The following ATMIN variants were observed in gnomAD, a reference collection of about 807,000 sequenced individuals.
The protein encoded by ATMIN is ATM interactor.
ATMIN carries 24 observed loss-of-function variants against 49.2 expected under a neutral mutation model. The observed-to-expected ratio is 0.49, with a 90% confidence interval of 0.35 to 0.69. The LOEUF (loss-of-function observed/expected upper bound fraction) is 0.69, where lower values mean the gene tolerates loss of function less well. Ranked by LOEUF, ATMIN falls within the 30% of genes least tolerant of loss-of-function variation. ATMIN has a pLI of 0.00. For missense variants in ATMIN, 1,037 were observed against 1,005.5 expected (o/e 1.03, Z -0.42); for synonymous variants, 450 against 392.5 (o/e 1.15, Z -1.73).
intron 1 of ATMIN, among the ~76,000 whole-genome samples, chr16:81,039,043 G>T (rs901105832): frequency 1.3e-5 from 2 of 152,148 alleles, no homozygotes; most frequent in African/African-American, 4.8e-5. Flanking sequence ...TGATCCGCCC[G>T]CTTCAGCCTC....
chr16:81,037,218 G>A (rs911649810), intron 1 of ATMIN: 8 of 985,330 alleles, frequency 8.1e-6, no homozygotes, highest in African/African-American at 3.5e-5. Flanking sequence ...AAAAGCGCAA[G>A]TCATTGAAAG....
Position 81,044,859 on chromosome 16 carries a change from A to G in ATMIN, c.2361A>G (p.Thr787=), listed in dbSNP as rs750842682. 1 of 1,614,214 alleles carries G rather than the reference A, an allele frequency of 6.2e-7. No homozygotes were observed. The highest frequency in any genetic ancestry group is 1.7e-5 in the Admixed American group (1 of 60,026). ...SLFFTSNETQ[T]AMDDFLLADL... is the part of the protein sequence containing the mutation. ...TCTTCACCAGCAACGAAACTCAGAC[A>G]GCAATGGATGACTTTCTTCTGGCTG... Residue 787 remains threonine, a synonymous_variant, in exon 4 of 4, where the codon ACA becomes ACG. Transcript: ENST00000299575.
intron 1 of ATMIN, among the ~76,000 whole-genome samples, chr16:81,038,641 T>C (rs1208516604): frequency 6.6e-6 from 1 of 152,178 alleles, no homozygotes; most frequent in Non-Finnish European, 1.5e-5. Context: ...TGGAGATCTG[T>C]ACCTTGTCTG....
Position 81,043,524 on chromosome 16 carries a change from C to G in ATMIN, c.1026C>G (p.His342Gln), listed in dbSNP as rs372470160. ...VDQGSATGAV[H>Q]LMPLSVGTLI... ...AGGGCTCTGCCACAGGGGCTGTGCA[C>G]TTAATGCCCTTGTCAGTAGGAACCC... The change falls in exon 4 of 4, where the codon CAC becomes CAG. Residue 342 changes from histidine (H) to glutamine (Q), a missense_variant. Coordinates refer to ENST00000299575, the MANE Select transcript of ATMIN (RefSeq NM_015251.3). 17 of 1,614,112 alleles carry G rather than the reference C, an allele frequency of 1.1e-5. No individual in the cohort carries two copies. In the Admixed American group the frequency reaches 2.0e-4, roughly 19 times the overall value.
Position 81,044,950 on chromosome 16 carries a change from C to T in ATMIN, c.2452C>T (p.His818Tyr). 6.2e-7 allele frequency: 1 copy of T among 1,613,260 alleles called. No homozygotes were observed. The highest frequency in any genetic ancestry group is 8.5e-7 in the Non-Finnish European group (1 of 1,179,310). The change falls in exon 4 of 4, where the codon CAC becomes TAC. Residue 818 changes from histidine (H) to tyrosine (Y), a missense_variant. Transcript: ENST00000299575. ...SVETQTSAEP[H>Y]TVSNF ...AGAAACCCAGACTTCTGCGGAACCA[C>T]ACACAGTCTCCAACTTCTAAAACTA... is the stretch of plus-strand genomic sequence containing the variant.
At chr16:81,042,193 A>G in intron 2 of ATMIN, 88 bp from the exon 3 acceptor site, 2 of 1,122,710 alleles carry the variant, frequency 1.8e-6, no homozygotes, top group South Asian at 2.7e-5. Flanking sequence ...ATAGTGTAAA[A>G]TCATTATTAA....
At chr16:81,037,903 G>T (rs1970972519) in intron 1 of ATMIN, among the ~76,000 whole-genome samples, 1 of 152,108 alleles carries the variant, frequency 6.6e-6, no homozygotes, top group Non-Finnish European at 1.5e-5. Flanking sequence ...GCCTCTTAAA[G>T]TGCTGGGATT....
At chr16:81,037,299 T>A in intron 1 of ATMIN, 1 of 985,490 alleles carries the variant, frequency 1.0e-6, no homozygotes, top group Non-Finnish European at 1.2e-6. Flanking sequence ...GCATGTTCTG[T>A]CTGCCCATAG....
rs755509979 is a variant in ATMIN at position 81,043,194 on chromosome 16, CTG to C, written c.699_700del (p.Ala234ThrfsTer11). 6.2e-6 allele frequency: 10 copies of C among 1,609,040 alleles called. No individual in the cohort carries two copies. Among genetic ancestry groups the C allele is most frequent in the Middle Eastern group, 1.6e-4 (1 of 6,068 alleles). Reference sequence around the variant, plus strand: ...CTAGTAAGAAAAGGAAAATGGAAAACTGTGCACAAAACCAGAAGTTATCCAAC... The same window carrying C: ...CTAGTAAGAAAAGGAAAATGGAAAACTGCACAAAACCAGAAGTTATCCAAC... ...PPSKKRKMEN[C>X]AQNQKLSNKT... On this transcript the variant is annotated frameshift_variant, in exon 4 of 4. Transcript: ENST00000299575. LOFTEE classifies it low-confidence loss of function (END_TRUNC).
chr16:81,039,233 T>C (rs2151738085), intron 1 of ATMIN, among the ~76,000 whole-genome samples: 1 of 152,362 alleles, frequency 6.6e-6, no homozygotes, highest in Non-Finnish European at 1.5e-5. Flanking sequence ...ATCCACTTTC[T>C]GCCCTGAGTA....
chr16:81,043,226 C>T lies in ATMIN; in HGVS notation c.728C>T (p.Thr243Ile). 1 of 1,613,950 alleles carries T rather than the reference C, an allele frequency of 6.2e-7. No homozygotes were observed. Among genetic ancestry groups the T allele is most frequent in the Non-Finnish European group, 8.5e-7 (1 of 1,179,978 alleles). The part of the protein sequence containing the change: ...CAQNQKLSNK[T>I]IESLNNQPIP... Reference sequence around the variant, plus strand: ...CAAAACCAGAAGTTATCCAACAAGACCATTGAATCATTGAACAACCAACCA... The same window carrying T: ...CAAAACCAGAAGTTATCCAACAAGATCATTGAATCATTGAACAACCAACCA... Residue 243 changes from threonine (T) to isoleucine (I), a missense_variant, in exon 4 of 4, where the codon ACC (threonine) becomes ATC (isoleucine). By Grantham distance (89) the Thr-to-Ile change is moderately conservative (BLOSUM62 -1). Transcript: ENST00000299575.
intron 1 of ATMIN, among the ~76,000 whole-genome samples, chr16:81,038,789 A>C (rs1970990117): frequency 6.6e-6 from 1 of 151,922 alleles, no homozygotes; most frequent in African/African-American, 2.4e-5. Flanking sequence ...CCCTGCCTCA[A>C]ACATTGTTCT....
At chr16:81,036,296 C>G (rs1255411860) in intron 1 of ATMIN, 90 bp downstream of exon 1, 6 of 1,086,164 alleles carry the variant, frequency 5.5e-6, no homozygotes, top group Non-Finnish European at 6.7e-6. Context: ...CTCGGGGGGA[C>G]GAGCGCCCTG....
In ATMIN at chr16:81,043,246, C is replaced by A. The variant is rs1393794783; in HGVS notation, c.748C>A (p.Gln250Lys). Residue 250 changes from glutamine (Q) to lysine (K), a missense_variant, in exon 4 of 4, where the codon CAA becomes AAA. Physicochemically the swap from Gln to Lys is moderately conservative, Grantham distance 53. Coordinates refer to ENST00000299575, the MANE Select transcript of ATMIN (RefSeq NM_015251.3). ...SNKTIESLNN[Q>K]PIPRPDTQEL... Reference sequence around the variant, plus strand: ...CAAGACCATTGAATCATTGAACAACCAACCAATCCCTAGACCAGACACTCA... The same window carrying A: ...CAAGACCATTGAATCATTGAACAACAAACCAATCCCTAGACCAGACACTCA... 6.2e-7 allele frequency: 1 copy of A among 1,613,930 alleles called. No homozygotes were observed. The highest frequency in any genetic ancestry group is 8.5e-7 in the Non-Finnish European group (1 of 1,180,010).
At position 81,043,936 on chromosome 16, in the gene ATMIN, A is replaced by T. The variant is rs752360293; in HGVS notation, c.1438A>T (p.Met480Leu). 6.2e-7 allele frequency: 1 copy of T among 1,614,172 alleles called. No homozygotes were observed. The highest frequency in any genetic ancestry group is 8.5e-7 in the Non-Finnish European group (1 of 1,180,024). Residue 480 changes from methionine (M) to leucine (L), a missense_variant, in exon 4 of 4, where the codon ATG (methionine) becomes TTG (leucine). Met to Leu is a conservative substitution (Grantham distance 15, BLOSUM62 2). Coordinates refer to ENST00000299575, the MANE Select transcript of ATMIN (RefSeq NM_015251.3). ...SSIAAQTDAF[M>L]DTCFQSGGVS... ...TATAGCTGCTCAGACTGATGCATTT[A>T]TGGACACCTGTTTCCAGTCAGGTGG...
Position 81,043,512 on chromosome 16 carries a change from A to C in ATMIN, c.1014A>C (p.Thr338=). The C allele has an allele frequency of 1.2e-6, 2 of 1,614,110 alleles. No homozygotes were observed. The highest frequency in any genetic ancestry group is 1.7e-6 in the Non-Finnish European group (2 of 1,180,024). The change falls in exon 4 of 4, where the codon ACA becomes ACC. Residue 338 remains threonine, a synonymous_variant. Coordinates refer to ENST00000299575, the MANE Select transcript of ATMIN (RefSeq NM_015251.3). ...TAGGTGTTGATCAGGGCTCTGCCAC[A>C]GGGGCTGTGCACTTAATGCCCTTGT... ...VVLGVDQGSA[T]GAVHLMPLSV...
rs1349541005 is a variant in ATMIN, at chr16:81,047,154, C to A, written c.*2184C>A. 1 of 152,508 alleles carries A rather than the reference C, an allele frequency of 6.6e-6. No individual in the cohort carries two copies. Among genetic ancestry groups the A allele is most frequent in the East Asian group, 1.9e-4 (1 of 5,186 alleles). The allele number at this position is 152,508 out of a possible 1,614,324, so 9.4% of individuals were successfully genotyped here. ...GAAGAAAAATGAGCATGTAATAATA[C>A]AAGAACTGTTTCCCCCTCAAAACCT... is the stretch of plus-strand genomic sequence containing the variant. On this transcript the variant is annotated 3_prime_UTR_variant, in exon 4 of 4. Transcript: ENST00000299575.
In ATMIN at chr16:81,046,758, G is replaced by C. The variant is rs1394080971; in HGVS notation, c.*1788G>C. On this transcript the variant is annotated 3_prime_UTR_variant, in exon 4 of 4. Coordinates refer to ENST00000299575, the MANE Select transcript of ATMIN (RefSeq NM_015251.3). The stretch of plus-strand genomic sequence containing the variant: ...CTAAATCCTCAAAACCTAGTAAGGG[G>C]ACTAATGATTCATTAAAGTAAATTG... 6.6e-6 allele frequency: 1 copy of C among 152,414 alleles called. No homozygotes were observed. 9.4% of individuals were successfully genotyped at this position (152,414 alleles called of 1,614,324 possible).
chr16:81,044,311 C>T lies in ATMIN; in HGVS notation c.1813C>T (p.Gln605Ter). 6.2e-7 allele frequency: 1 copy of T among 1,614,134 alleles called. No homozygotes were observed. The highest frequency in any genetic ancestry group is 8.5e-7 in the Non-Finnish European group (1 of 1,180,004). The change falls in exon 4 of 4, where the codon CAG (glutamine) becomes TAG (stop). Residue 605 changes from glutamine to a stop codon, truncating the protein, a stop_gained. Transcript: ENST00000299575. LOFTEE classifies it high-confidence loss of function. ...ENILSSNLPAQTLDHRSLLSD... is the reference protein window; with the variant it reads ...ENILSSNLPA The stretch of plus-strand genomic sequence containing the variant: ...CATCTTGTCAAGTAATCTGCCTGCT[C>T]AGACATTGGATCATCGTAGTCTTTT...
Sources: gnomAD v4.1 joint callset for allele counts (sites outside exome capture counted in the v4.1 genomes callset) on GRCh38, gnomAD v4.1.1 for gene constraint, MANE v1.5 for transcripts, NCBI Gene and HGNC (gene_info 2026-07-23, HGNC 2026-07-21) for gene names.